The following GAS5 variants were observed in gnomAD, a reference collection of about 807,000 sequenced individuals.
GAS5 encodes growth arrest specific 5 (non-protein coding).
chr1:173,866,758 T>G (rs112279140), intron 2 of GAS5: 1 of 765,480 alleles, frequency 1.3e-6, no homozygotes, highest in Non-Finnish European at 2.4e-6. Flanking sequence ...ATTTTCAACT[T>G]ACTTCAGTAG....
intron 3 of GAS5, chr1:173,866,522 T>C (rs1654683955): frequency 7.1e-6 from 5 of 707,448 alleles, no homozygotes; most frequent in East Asian, 2.6e-5. Context: ...AATAGAGGTG[T>C]CTCACCTGTG....
At chr1:173,867,560 T>A, upstream of GAS5, 1 of 484,694 alleles carries the variant, frequency 2.1e-6, no homozygotes, top group South Asian at 1.5e-5. Context: ...CACTGCGGAA[T>A]GCAGGCACTT....
chr1:173,867,828 C>T (rs1050232845), upstream of GAS5: 2 of 508,298 alleles, frequency 3.9e-6, no homozygotes, highest in African/African-American at 3.9e-5. Flanking sequence ...GTGCAATCCC[C>T]CACCATCCTC....
upstream of GAS5, chr1:173,868,909 A>T (rs528080670): frequency 1.2e-4 from 18 of 152,744 alleles, no homozygotes; most frequent in African/African-American, 4.3e-4. Flanking sequence ...GCCGTTCCCA[A>T]TTCTCCCTTT....
chr1:173,868,035 C>T (rs1331342196), upstream of GAS5: 2 of 180,490 alleles, frequency 1.1e-5, no homozygotes, highest in African/African-American at 4.7e-5. Context: ...CTTTTGATGA[C>T]GTCACGACGC....
rs548439480 is a variant in GAS5 at position 173,864,801 on chromosome 1, C to T, written n.277-497G>A. Reference sequence around the variant, plus strand: ...TATAGAATGGCTATATTCCCCTTTTCGGGGCATAAACTAGAATGTTACCGC... The same window carrying T: ...TATAGAATGGCTATATTCCCCTTTTTGGGGCATAAACTAGAATGTTACCGC... On this transcript the variant is annotated intron_variant and non_coding_transcript_variant, in intron 6 of 7. Transcript: ENST00000651080. The T allele has an allele frequency of 2.7e-5, 14 of 518,608 alleles. 1 individual carries two copies. The highest frequency in any genetic ancestry group is 1.5e-4 in the African/African-American group (8 of 52,056). 32.1% of individuals were successfully genotyped at this position (518,608 alleles called of 1,614,324 possible).
At chr1:173,867,912 A>G, upstream of GAS5, 1 of 372,738 alleles carries the variant, frequency 2.7e-6, no homozygotes, top group Admixed American at 3.3e-5. Context: ...TAGCAGACAA[A>G]GGCTGGAGCG....
chr1:173,866,674 C>T (rs1170821776), intron 2 of GAS5: 2 of 764,990 alleles, frequency 2.6e-6, no homozygotes, highest in Non-Finnish European at 4.8e-6. Flanking sequence ...CCTCATCATT[C>T]TAGCACTCAA....
At chr1:173,866,526 A>T (rs113423575) in intron 3 of GAS5, 2 of 713,182 alleles carry the variant, frequency 2.8e-6, no homozygotes, top group African/African-American at 3.5e-5. Context: ...GAGGTGTCTC[A>T]CCTGTGTGCC....
At chr1:173,867,095 TAA>T (rs1352554482), upstream of GAS5, 1 of 632,588 alleles carries the variant, frequency 1.6e-6, no homozygotes. Context: ...TTCTTTTTTT[TAA>T]AGAGTGTTCT....
chr1:173,863,902 G>A (rs1281741446), intron 7 of GAS5: 1 of 262,414 alleles, frequency 3.8e-6, no homozygotes, highest in Non-Finnish European at 7.7e-6. Flanking sequence ...CACTCCAGAT[G>A]GATTGCAAAA....
intron 1 of GAS5, chr1:173,866,824 C>T: frequency 1.3e-6 from 1 of 765,346 alleles, no homozygotes; most frequent in Middle Eastern, 2.3e-4. Flanking sequence ...GCAAGCAAAA[C>T]AGTGAGAATG....
At chr1:173,867,330 G>A (rs1048707235), upstream of GAS5, 43 of 416,916 alleles carry the variant, frequency 1.0e-4, no homozygotes, top group Non-Finnish European at 1.0e-4. Context: ...GACCAGTCTC[G>A]CCAACATGGT....
intron 7 of GAS5, chr1:173,863,995 T>C (rs1654168803): frequency 1.2e-5 from 4 of 336,062 alleles, no homozygotes; most frequent in South Asian, 9.2e-5. Context: ...ACTGGGAGGC[T>C]GAGGATCACT....
upstream of GAS5, chr1:173,867,764 T>C (rs1263672118): frequency 3.9e-6 from 2 of 518,976 alleles, no homozygotes; most frequent in African/African-American, 3.9e-5. Flanking sequence ...AGCCGAGGCT[T>C]CTCCGCAGTT....
chr1:173,865,910 G>A (rs903059976), intron 4 of GAS5: 2 of 519,054 alleles, frequency 3.9e-6, no homozygotes, highest in South Asian at 1.4e-5. Flanking sequence ...AAATAAGAGT[G>A]GTCTTAGAAT....
chr1:173,867,953 A>T (rs79315403), upstream of GAS5: 20 of 357,418 alleles, frequency 5.6e-5, no homozygotes, highest in East Asian at 1.5e-3. Flanking sequence ...GCAAAGATAA[A>T]ACATACCTCA....
intron 6 of GAS5, chr1:173,864,786 C>T: frequency 1.9e-6 from 1 of 518,014 alleles, no homozygotes; most frequent in Non-Finnish European, 3.9e-6. Flanking sequence ...TATAGAATGG[C>T]TATATTCCCC....
chr1:173,867,244 C>T (rs966168551), upstream of GAS5: 11 of 519,696 alleles, frequency 2.1e-5, no homozygotes, highest in Non-Finnish European at 3.4e-5. Context: ...GGCGGCCGGG[C>T]GCGGTGGCTC....
Sources: allele counts gnomAD v4.1 joint callset, GRCh38; gene constraint gnomAD v4.1.1; transcripts MANE v1.5; gene names NCBI Gene and HGNC (gene_info 2026-07-23, HGNC 2026-07-21).